Variants in TPTE2 observed in about 807,000 individuals in gnomAD.
TPTE2 encodes phosphatidylinositol 3,4,5-trisphosphate 3-phosphatase TPTE2.
Under a neutral mutation model 78.6 loss-of-function variants are expected in TPTE2, and 53 were observed. The ratio of observed to expected loss-of-function variants is 0.67; its 90% CI spans 0.54 to 0.85. The LOEUF is 0.85. Ranked by LOEUF, TPTE2 falls within the 40% of genes least tolerant of loss-of-function variation. The pLI is 0.00. For missense variants in TPTE2, 461 were observed against 623.0 expected (o/e 0.74, Z 2.77); for synonymous variants, 175 against 206.2 (o/e 0.85, Z 1.30).
At chr13:19,549,819 G>T in the TPTE2 span, among the ~76,000 whole-genome samples, 1 of 92,832 alleles carries the variant, frequency 1.1e-5, no homozygotes. Flanking sequence ...ATACTATGCA[G>T]CTACAAAGAT....
intron 14 of TPTE2, 148 bp from the exon 18 acceptor site, chr13:19,436,454 C>G (rs774610827): frequency 4.2e-6 from 3 of 708,996 alleles, no homozygotes; most frequent in African/African-American, 1.8e-5. Flanking sequence ...GCTCTGCAAC[C>G]CAGACTGGAG....
upstream of TPTE2, among the ~76,000 whole-genome samples, chr13:19,503,638 T>C (rs1868777394): frequency 6.6e-6 from 1 of 152,188 alleles, no homozygotes; most frequent in Non-Finnish European, 1.5e-5. Flanking sequence ...AAGCCCTCCA[T>C]TACTTCTTCA....
intron 17 of TPTE2, among the ~76,000 whole-genome samples, chr13:19,427,028 A>G (rs1876154481): frequency 6.7e-6 from 1 of 149,396 alleles, no homozygotes; most frequent in East Asian, 2.0e-4. Context: ...TTTAAAGGCC[A>G]ACATGTTTAG....
In TPTE2 at chr13:19,480,141, G is replaced by T. The variant is rs187344124; in HGVS notation, c.179+2347C>A. On this transcript the variant is annotated intron_variant, in intron 4 of 19. Transcript: ENST00000400230. ...AACAAGACCATGTTTAATGAAATGG[G>T]ATTTGTATTGAAGGCAGGTGCTATC... 2.6e-5 allele frequency among the ~76,000 whole-genome samples: 4 copies of T among 152,224 alleles called. No individual in the cohort carries two copies. The East Asian group carries it at 7.7e-4, about 29-fold the overall frequency.
At chr13:19,520,469 T>G (rs1295895060) in intron 1 of TPTE2, among the ~76,000 whole-genome samples, 1 of 151,980 alleles carries the variant, frequency 6.6e-6, no homozygotes, top group East Asian at 1.9e-4. Flanking sequence ...TTTACCTAAG[T>G]TATTTACCAC....
At chr13:19,423,680 T>C (rs1246253660) in intron 19 of TPTE2, among the ~76,000 whole-genome samples, 1 of 152,228 alleles carries the variant, frequency 6.6e-6, no homozygotes, top group Non-Finnish European at 1.5e-5. Flanking sequence ...GTTAGCATTT[T>C]TGGCTAAACA....
chr13:19,527,087 C>T (rs911995637), intron 1 of TPTE2, among the ~76,000 whole-genome samples: 5 of 152,054 alleles, frequency 3.3e-5, no homozygotes, highest in African/African-American at 1.2e-4. Flanking sequence ...AGGTGGATCA[C>T]CTGAGGTCAG....
At chr13:19,515,790 A>G (rs1202474170) in intron 1 of TPTE2, among the ~76,000 whole-genome samples, 1 of 152,250 alleles carries the variant, frequency 6.6e-6, no homozygotes, top group East Asian at 1.9e-4. Flanking sequence ...AAGCAGCCTT[A>G]TTAAATGATT....
the TPTE2 span, among the ~76,000 whole-genome samples, chr13:19,559,791 G>C: frequency 7.1e-5 from 8 of 112,722 alleles, no homozygotes; most frequent in African/African-American, 1.4e-4. Flanking sequence ...GCTTGCAAGG[G>C]GCAGCACTGT....
chr13:19,540,353 G>A (rs1214403646), upstream of TPTE2, among the ~76,000 whole-genome samples: 1 of 151,146 alleles, frequency 6.6e-6, no homozygotes, highest in Non-Finnish European at 1.5e-5. Context: ...CCAGGCTGCA[G>A]TGCAGTGGCG....
chr13:19,547,383 C>T, the TPTE2 span, among the ~76,000 whole-genome samples: 1 of 152,134 alleles, frequency 6.6e-6, no homozygotes. Context: ...TTAACAATAT[C>T]CAGTATTAGT....
intron 15 of TPTE2, among the ~76,000 whole-genome samples, chr13:19,435,447 G>A (rs578254253): frequency 6.6e-6 from 1 of 152,270 alleles, no homozygotes; most frequent in East Asian, 1.9e-4. Flanking sequence ...AGGGGTGTGA[G>A]TGGAGTGGGA....
chr13:19,469,167 A>G (rs1308349099), intron 6 of TPTE2, among the ~76,000 whole-genome samples: 1 of 152,144 alleles, frequency 6.6e-6, no homozygotes, highest in East Asian at 1.9e-4. Flanking sequence ...TCTTAGATTT[A>G]AGTCTTTAAT....
At chr13:19,455,603 T>TA (rs1878493856) in intron 10 of TPTE2, among the ~76,000 whole-genome samples, 3 of 151,688 alleles carry the variant, frequency 2.0e-5, no homozygotes, top group Admixed American at 2.0e-4. Context: ...GACCAGCTGA[T>TA]AAAGACATTT....
At chr13:19,517,393 T>C (rs1424534518) in intron 1 of TPTE2, among the ~76,000 whole-genome samples, 1 of 152,114 alleles carries the variant, frequency 6.6e-6, no homozygotes, top group Non-Finnish European at 1.5e-5. Context: ...TATTTGGCCT[T>C]ACACCCACTG....
At chr13:19,551,267 C>T in the TPTE2 span, among the ~76,000 whole-genome samples, 1 of 152,134 alleles carries the variant, frequency 6.6e-6, no homozygotes, top group Non-Finnish European at 1.5e-5. Flanking sequence ...ATACATGAAA[C>T]ACAGTATGCT....
chr13:19,547,955 A>G, the TPTE2 span, among the ~76,000 whole-genome samples: 3 of 151,848 alleles, frequency 2.0e-5, no homozygotes, highest in Non-Finnish European at 4.4e-5. Flanking sequence ...GTTATTATTT[A>G]TATAATTTAA....
chr13:19,490,442 G>T (rs922772893), intron 3 of TPTE2, among the ~76,000 whole-genome samples: 1 of 152,026 alleles, frequency 6.6e-6, no homozygotes, highest in African/African-American at 2.4e-5. Flanking sequence ...CTGGAAATGA[G>T]GTTTTAGATG....
At chr13:19,466,636 ACT>A (rs1352649073) in intron 7 of TPTE2, among the ~76,000 whole-genome samples, 2 of 152,020 alleles carry the variant, frequency 1.3e-5, no homozygotes, top group African/African-American at 2.4e-5. Context: ...ATACTGCAAA[ACT>A]CTACTATTGT....
Sources: gnomAD v4.1 joint callset for allele counts (sites outside exome capture counted in the v4.1 genomes callset) on GRCh38, gnomAD v4.1.1 for gene constraint, MANE v1.5 for transcripts, NCBI Gene and HGNC (gene_info 2026-07-23, HGNC 2026-07-21) for gene names.